CLSTN2: variants seen among roughly 807,000 people sequenced by gnomAD.
The protein encoded by CLSTN2 is calsyntenin-2.
In CLSTN2, 48 loss-of-function variants were observed where a neutral mutation model predicts 101.2. The ratio of observed to expected loss-of-function variants is 0.47; its 90% confidence interval spans 0.38 to 0.60. CLSTN2 has a LOEUF of 0.60. Ranked by LOEUF, CLSTN2 falls within the 20% of genes least tolerant of loss-of-function variation. The pLI is 0.00. For synonymous variants in CLSTN2, 481 were observed against 463.6 expected (o/e 1.04, Z -0.48); for missense variants, 1,160 against 1,238.2 (o/e 0.94, Z 0.95).
intron 1 of CLSTN2, among the ~76,000 whole-genome samples, chr3:140,006,236 T>G (rs542778415): frequency 6.6e-6 from 1 of 152,362 alleles, no homozygotes; most frequent in South Asian, 2.1e-4. Context: ...TAGACATTTT[T>G]GCATGTGCAA....
intron 1 of CLSTN2, among the ~76,000 whole-genome samples, chr3:140,122,758 C>G (rs2009363965): frequency 1.3e-5 from 2 of 152,174 alleles, no homozygotes; most frequent in Non-Finnish European, 2.9e-5. Context: ...GGTCTGCAAA[C>G]TTGATCTGTA....
chr3:140,168,818 A>G (rs1216194199), intron 1 of CLSTN2, among the ~76,000 whole-genome samples: 2 of 152,050 alleles, frequency 1.3e-5, no homozygotes, highest in African/African-American at 4.8e-5. Context: ...GTATGTGTCT[A>G]TTTCTGGACT....
In CLSTN2 at chr3:140,563,165, A is replaced by C. The variant is rs1935952860; in HGVS notation, c.2444A>C (p.His815Pro). 6.2e-7 allele frequency: 1 copy of C among 1,613,972 alleles called. No individual in the cohort carries two copies. The change falls in exon 15 of 17, where the codon CAT (histidine) becomes CCT (proline). Residue 815 changes from histidine to proline, a missense_variant. Transcript: ENST00000458420. Reference protein sequence around the residue: ...IVQPPFLQSVHHPESRSSIQH... With the variant: ...IVQPPFLQSVPHPESRSSIQH... ...CAGCCTCCCTTCCTCCAGTCTGTCC[A>C]TCATCCTGAGTCCCGGAGTAGCATC...
intron 16 of CLSTN2, among the ~76,000 whole-genome samples, chr3:140,565,175 T>C (rs1936003328): frequency 6.6e-6 from 1 of 152,094 alleles, no homozygotes; most frequent in African/African-American, 2.4e-5. Flanking sequence ...AGGGCCAACC[T>C]TGTGATGTCA....
chr3:140,445,531 C>T (rs984459679), intron 5 of CLSTN2, among the ~76,000 whole-genome samples: 1 of 152,122 alleles, frequency 6.6e-6, no homozygotes, highest in Non-Finnish European at 1.5e-5. Flanking sequence ...GCTCCCACTC[C>T]CAGCACAAAA....
chr3:140,133,085 T>A (rs1560104833), intron 1 of CLSTN2, among the ~76,000 whole-genome samples: 1 of 152,202 alleles, frequency 6.6e-6, no homozygotes. Context: ...TCTGTTCAGC[T>A]TCTGCAGAGG....
Position 140,149,696 on chromosome 3 carries a change from A to T in CLSTN2, c.110-26255A>T, listed in dbSNP as rs542848638. ...ATGGTCTTGATCTCTTGACCTTGTGATCCACCCACCTTGACCTTCCAAAGT... is the reference window on the plus strand; with the variant it reads ...ATGGTCTTGATCTCTTGACCTTGTGTTCCACCCACCTTGACCTTCCAAAGT... On this transcript the variant is annotated intron_variant, in intron 1 of 16. Coordinates refer to ENST00000458420, the MANE Select transcript of CLSTN2 (RefSeq NM_022131.3). Among the ~76,000 whole-genome samples the T allele has an allele frequency of 1.3e-3, 201 of 152,190 alleles. 1 individual carries two copies. The highest frequency in any genetic ancestry group is 4.6e-3 in the African/African-American group (190 of 41,540).
At chr3:140,492,270 A>G (rs969897214) in intron 8 of CLSTN2, among the ~76,000 whole-genome samples, 6 of 152,236 alleles carry the variant, frequency 3.9e-5, no homozygotes, top group African/African-American at 9.7e-5. Flanking sequence ...ACTATTTGGC[A>G]ATATCTGCTA....
intron 4 of CLSTN2, among the ~76,000 whole-genome samples, chr3:140,419,693 G>GAATATGTATATATGTATATATACA (rs1559864309): frequency 1.8e-5 from 1 of 56,504 alleles, no homozygotes; most frequent in Non-Finnish European, 2.8e-5. Context: ...GTATATATAC[G>GAATATGTATATATGTATATATACA]TATATGAATA....
Position 140,556,565 on chromosome 3 carries a change from G to T in CLSTN2, c.1727G>T (p.Gly576Val). The T allele has an allele frequency of 6.2e-7, 1 of 1,614,044 alleles. No homozygotes were observed. The highest frequency in any genetic ancestry group is 8.5e-7 in the Non-Finnish European group (1 of 1,179,954). ...SILVMEGDDI[G>V]NINRALQKVS... The stretch of plus-strand genomic sequence containing the variant: ...CTGGTGATGGAAGGTGACGACATTG[G>T]GAACATTAACCGTGCTCTCCAGAAA... The change falls in exon 11 of 17, where the codon GGG becomes GTG. Residue 576 changes from glycine to valine, a missense_variant. Transcript: ENST00000458420.
rs1458414949 is a variant in CLSTN2, at chr3:140,565,678, G to GCAAA, written c.2668-372_2668-369dup. 3.3e-5 allele frequency among the ~76,000 whole-genome samples: 5 copies of GCAAA among 152,310 alleles called. No homozygotes were observed. In the South Asian group the frequency reaches 1.0e-3, roughly 32 times the overall value. On this transcript the variant is annotated intron_variant, in intron 16 of 16. Transcript: ENST00000458420. ...TCAAATGTCATCCTCTCACTGAGAA[G>GCAAA]CAAACACTAAGGCTTGGACAGCTCC...
chr3:140,188,669 AT>A (rs572300172), intron 2 of CLSTN2, among the ~76,000 whole-genome samples: 124 of 152,330 alleles, frequency 8.1e-4, no homozygotes, highest in African/African-American at 2.7e-3. Context: ...GCTACCCAGC[AT>A]TGGGTGATTA....
chr3:140,225,977 T>C (rs2107856275), intron 2 of CLSTN2, among the ~76,000 whole-genome samples: 1 of 152,334 alleles, frequency 6.6e-6, no homozygotes, highest in South Asian at 2.1e-4. Flanking sequence ...GGGATTTTAT[T>C]GGGTGATACC....
At chr3:140,326,290 C>T (rs1195291894) in intron 2 of CLSTN2, among the ~76,000 whole-genome samples, 1 of 152,122 alleles carries the variant, frequency 6.6e-6, no homozygotes, top group Non-Finnish European at 1.5e-5. Flanking sequence ...AGCTGACTAC[C>T]AATAGGGAAG....
At chr3:140,282,958 G>A (rs997549436) in intron 2 of CLSTN2, among the ~76,000 whole-genome samples, 1 of 152,098 alleles carries the variant, frequency 6.6e-6, no homozygotes. Flanking sequence ...AGGAAAAGTG[G>A]GTCCTCAGGA....
chr3:140,320,617 G>GT (rs1223519963), intron 2 of CLSTN2, among the ~76,000 whole-genome samples: 1 of 147,946 alleles, frequency 6.8e-6, no homozygotes, highest in African/African-American at 2.6e-5. Flanking sequence ...TTTGCGGGGG[G>GT]GGGCAGGGGT....
chr3:140,372,046 G>A (rs767737770), intron 2 of CLSTN2, among the ~76,000 whole-genome samples: 21 of 152,158 alleles, frequency 1.4e-4, no homozygotes, highest in Non-Finnish European at 2.2e-4. Flanking sequence ...GGAGGACCTT[G>A]GGTGGGGATA....
chr3:140,444,209 C>G (rs1933025666), intron 5 of CLSTN2, among the ~76,000 whole-genome samples: 1 of 152,148 alleles, frequency 6.6e-6, no homozygotes, highest in Non-Finnish European at 1.5e-5. Flanking sequence ...GTGGGTGGCT[C>G]ACCTAAGGTC....
chr3:140,284,659 C>A (rs935833035), intron 2 of CLSTN2, among the ~76,000 whole-genome samples: 1 of 152,042 alleles, frequency 6.6e-6, no homozygotes, highest in African/African-American at 2.4e-5. Context: ...TCAGTGCAAA[C>A]CTCTGAGTGA....
Sources: allele counts gnomAD v4.1 joint callset (sites outside exome capture counted in the v4.1 genomes callset), GRCh38; gene constraint gnomAD v4.1.1; transcripts MANE v1.5; gene names NCBI Gene and HGNC (gene_info 2026-07-23, HGNC 2026-07-21).